ATP11A: variants seen among roughly 807,000 people sequenced by gnomAD.
ATP11A encodes the protein phospholipid-transporting ATPase IH.
In ATP11A, 81 loss-of-function variants were observed where a neutral mutation model predicts 154.4. That is an observed-to-expected ratio of 0.52 (90% CI 0.44 to 0.63). The LOEUF (loss-of-function observed/expected upper bound fraction) is 0.63, where lower values mean the gene tolerates loss of function less well. ATP11A is among the 30% of genes least tolerant of loss of function. The pLI is 0.00. For missense variants in ATP11A, 1,316 were observed against 1,474.3 expected (o/e 0.89, Z 1.76); for synonymous variants, 623 against 585.9 (o/e 1.06, Z -0.91).
chr13:112,858,615 G>T, intron 22 of ATP11A: 1 of 225,946 alleles, frequency 4.4e-6, no homozygotes, highest in Non-Finnish European at 8.9e-6. Flanking sequence ...CTCCTTCCTG[G>T]GATGTGGCTT....
chr13:112,741,649 C>T (rs1891561774), intron 1 of ATP11A, among the ~76,000 whole-genome samples: 1 of 152,148 alleles, frequency 6.6e-6, no homozygotes, highest in African/African-American at 2.4e-5. Context: ...TGCAGGGAGA[C>T]TCAGGGGCCC....
intron 1 of ATP11A, among the ~76,000 whole-genome samples, chr13:112,718,248 A>G (rs2139614479): frequency 6.6e-6 from 1 of 152,354 alleles, no homozygotes; most frequent in African/African-American, 2.4e-5. Flanking sequence ...AAAAAGCATA[A>G]AAACAATATA....
intron 1 of ATP11A, among the ~76,000 whole-genome samples, chr13:112,691,448 A>G (rs1885161418): frequency 7.3e-6 from 1 of 136,066 alleles, no homozygotes; most frequent in Non-Finnish European, 1.5e-5. Flanking sequence ...TGGGTGACAG[A>G]GCGAGACTCT....
intron 2 of ATP11A, among the ~76,000 whole-genome samples, chr13:112,791,736 C>A (rs926721754): frequency 6.6e-6 from 1 of 152,218 alleles, no homozygotes; most frequent in African/African-American, 2.4e-5. Context: ...CTCTCTCCCC[C>A]TCGGCTGGGC....
At chr13:112,803,430 G>T (rs557999772) in intron 2 of ATP11A, among the ~76,000 whole-genome samples, 140 of 152,332 alleles carry the variant, frequency 9.2e-4, no homozygotes, top group African/African-American at 3.3e-3. Flanking sequence ...TTTGAAATAA[G>T]CCCCGTTGAA....
intron 28 of ATP11A, chr13:112,876,178 G>C: frequency 5.3e-6 from 2 of 378,088 alleles, no homozygotes; most frequent in Non-Finnish European, 9.1e-6. Flanking sequence ...ACACAAATAA[G>C]AGAAAAAAGA....
At chr13:112,784,859 C>T (rs2077584392) in intron 1 of ATP11A, among the ~76,000 whole-genome samples, 1 of 152,236 alleles carries the variant, frequency 6.6e-6, no homozygotes, top group Non-Finnish European at 1.5e-5. Flanking sequence ...GAGCTGTTTC[C>T]ACTGGCAGTC....
At chr13:112,814,906 G>C (rs546628817) in intron 5 of ATP11A, among the ~76,000 whole-genome samples, 2 of 152,300 alleles carry the variant, frequency 1.3e-5, no homozygotes, top group East Asian at 3.9e-4. Flanking sequence ...CTGGGATTTT[G>C]ATAGGGATTT....
intron 5 of ATP11A, among the ~76,000 whole-genome samples, chr13:112,814,785 G>A (rs563560868): frequency 7.2e-5 from 11 of 152,310 alleles, no homozygotes; most frequent in South Asian, 2.1e-4. Context: ...TTGGGGATAC[G>A]TATTCCTTCC....
At chr13:112,805,617 A>G (rs1194997361) in intron 3 of ATP11A, among the ~76,000 whole-genome samples, 2 of 148,568 alleles carry the variant, frequency 1.3e-5, no homozygotes, top group Non-Finnish European at 3.0e-5. Flanking sequence ...GGGAGGTTGC[A>G]GTGAGCTGAG....
intron 1 of ATP11A, chr13:112,717,578 C>CAG (rs1888612150): frequency 6.6e-6 from 1 of 152,214 alleles, no homozygotes; most frequent in African/African-American, 2.4e-5. Flanking sequence ...ATTACAAACA[C>CAG]TACTGTCAAG....
At chr13:112,806,325 C>T (rs371272209) in intron 4 of ATP11A, 32 bp downstream of exon 4, 50 of 1,521,490 alleles carry the variant, frequency 3.3e-5, no homozygotes, top group Middle Eastern at 1.7e-4. Context: ...AAGAAGCAAT[C>T]GTCATCTTCA....
At chr13:112,720,642 C>G (rs1889047688) in intron 1 of ATP11A, among the ~76,000 whole-genome samples, 1 of 152,160 alleles carries the variant, frequency 6.6e-6, no homozygotes, top group East Asian at 1.9e-4. Flanking sequence ...ACTGCAACCT[C>G]TGCCTCCTAG....
chr13:112,859,355 T>C lies in ATP11A; in HGVS notation c.2668-38T>C. On this transcript the variant is annotated intron_variant, in intron 22 of 29. Coordinates refer to ENST00000375645, the MANE Select transcript of ATP11A (RefSeq NM_015205.3). This position sits in a 1 kb window ranked among gnomAD's most constrained non-coding sequence, Gnocchi z 4.3. Reference sequence around the variant, plus strand: ...GGTAGGTGGCGGCTGCCTCCCTCTGTCCCGTCACCGAACTAACAGTTATGC... The same window carrying C: ...GGTAGGTGGCGGCTGCCTCCCTCTGCCCCGTCACCGAACTAACAGTTATGC... 2 of 1,595,230 alleles carry C rather than the reference T, an allele frequency of 1.3e-6. No homozygotes were observed.
intron 1 of ATP11A, among the ~76,000 whole-genome samples, chr13:112,730,576 C>T (rs282599): frequency 0.011 from 1,633 of 152,312 alleles, 22 homozygotes; most frequent in African/African-American, 0.037. Flanking sequence ...GCGTGAGCAC[C>T]GGGTGCCTGC....
intron 1 of ATP11A, among the ~76,000 whole-genome samples, chr13:112,728,450 G>A (rs1890123059): frequency 6.7e-6 from 1 of 150,094 alleles, no homozygotes. Context: ...TCCACACGTG[G>A]AGGGGCCGTG....
chr13:112,703,686 G>T (rs909921663), intron 1 of ATP11A, among the ~76,000 whole-genome samples: 1 of 152,080 alleles, frequency 6.6e-6, no homozygotes, highest in African/African-American at 2.4e-5. Context: ...CGCAGTTCCC[G>T]TGGTTGGTTC....
intron 1 of ATP11A, among the ~76,000 whole-genome samples, chr13:112,775,840 G>A (rs2077335291): frequency 6.6e-6 from 1 of 152,304 alleles, no homozygotes; most frequent in Admixed American, 6.5e-5. Context: ...GGGCGGGCGC[G>A]ACTTAGTTCA....
Position 112,859,620 on chromosome 13 carries a change from G to C in ATP11A, c.2727+168G>C, listed in dbSNP as rs143300980. Among the ~76,000 whole-genome samples, 692 of 152,300 alleles carry C rather than the reference G, an allele frequency of 4.5e-3. 5 individuals are homozygous for C. The highest frequency in any genetic ancestry group is 8.2e-3 in the Non-Finnish European group (556 of 68,020). Reference sequence around the variant, plus strand: ...GGGGTGAAGGGTCGGGCCTGGGGAGGGGGGCCACGGAGCTGAGGAGTTGCC... The same window carrying C: ...GGGGTGAAGGGTCGGGCCTGGGGAGCGGGGCCACGGAGCTGAGGAGTTGCC... On this transcript the variant is annotated intron_variant, in intron 23 of 29. Transcript: ENST00000375645. This position sits in a 1 kb window ranked among gnomAD's most constrained non-coding sequence, Gnocchi z 4.3.
Sources: allele counts gnomAD v4.1 joint callset (sites outside exome capture counted in the v4.1 genomes callset), GRCh38; gene constraint gnomAD v4.1.1; non-coding constraint Gnocchi (gnomAD v3.1); transcripts MANE v1.5; gene names NCBI Gene and HGNC (gene_info 2026-07-23, HGNC 2026-07-21).